Variants in ERICH1 observed in about 807,000 individuals in gnomAD.
The protein encoded by ERICH1 is glutamate-rich protein 1.
Under a neutral mutation model 39.6 loss-of-function variants are expected in ERICH1, and 56 were observed. The ratio of observed to expected loss-of-function variants is 1.41; its 90% CI spans 1.14 to 1.77. The LOEUF (loss-of-function observed/expected upper bound fraction) is 1.77. ERICH1 is among the 40% of genes most tolerant of loss of function. The pLI is 0.00. For synonymous variants in ERICH1, 313 were observed against 223.6 expected, an observed-to-expected ratio of 1.40 and a Z score of -3.57; for missense variants, 826 against 575.4, an observed-to-expected ratio of 1.44 and a Z score of -4.45.
intron 1 of ERICH1, chr8:726,025 C>G (rs1032458921): frequency 6.6e-6 from 1 of 152,634 alleles, no homozygotes; most frequent in Admixed American, 6.5e-5. Context: ...CACAGCCCCA[C>G]TTCTCCTGCA....
At position 649,423 on chromosome 8, in the gene ERICH1, C is replaced by T. The variant is rs971444104; in HGVS notation, c.976+19175G>A. Among the ~76,000 whole-genome samples, 4 of 152,108 alleles carry T rather than the reference C, an allele frequency of 2.6e-5. 1 individual carries two copies. Among genetic ancestry groups the T allele is most frequent in the African/African-American group, 9.7e-5 (4 of 41,444 alleles). ...GTTAAACTGGCTTCTCGGCTAAGAG[C>T]GGGGCTTGCTTTTATTCTATGCTGT... is the stretch of plus-strand genomic sequence containing the variant. On this transcript the variant is annotated intron_variant, in intron 3 of 3. Coordinates refer to the ERICH1 transcript ENST00000522706.
At chr8:618,530 T>C (rs913881306) in intron 3 of ERICH1, among the ~76,000 whole-genome samples, 1 of 152,218 alleles carries the variant, frequency 6.6e-6, no homozygotes, top group Non-Finnish European at 1.5e-5. Flanking sequence ...GGGTACATGC[T>C]AACTGAGTGA....
chr8:716,196 C>A (rs2132349536), intron 1 of ERICH1, among the ~76,000 whole-genome samples, 189 bp from the exon 2 acceptor site: 1 of 152,356 alleles, frequency 6.6e-6, no homozygotes. Flanking sequence ...GCAGAGGAAC[C>A]CTTGAGGCTG....
chr8:723,263 C>T (rs1472057731), intron 1 of ERICH1, among the ~76,000 whole-genome samples: 1 of 152,208 alleles, frequency 6.6e-6, no homozygotes, highest in Non-Finnish European at 1.5e-5. Context: ...CCTGCAGAAC[C>T]GTGAGCCCAG....
At chr8:707,204 G>C (rs7827952) in intron 2 of ERICH1, among the ~76,000 whole-genome samples, 68,398 of 141,132 alleles carry the variant, frequency 0.48, 16,159 homozygotes, top group South Asian at 0.53. Context: ...GATTTTTTTT[G>C]TTTCTTTTTT....
At position 670,759 on chromosome 8, in the gene ERICH1, C is replaced by T. The variant is rs777953476; in HGVS notation, c.1064-1967G>A. 3.9e-5 allele frequency among the ~76,000 whole-genome samples: 6 copies of T among 152,184 alleles called. No homozygotes were observed. In the East Asian group the frequency reaches 9.6e-4, roughly 24 times the overall value. The stretch of plus-strand genomic sequence containing the variant: ...TTCTGTTCTCTGACCTCTGAGTCCA[C>T]CGGCCCCAGCTCCAACCTCTGAACC... On this transcript the variant is annotated intron_variant, in intron 4 of 5. Coordinates refer to ENST00000262109, the MANE Select transcript of ERICH1 (RefSeq NM_207332.3).
Position 685,447 on chromosome 8 carries a change from G to A in ERICH1, c.304+7031C>T, listed in dbSNP as rs544640050. ...TAACGCAACCATCACAGGGTCCTGA[G>A]GCAACATACATTCTCAGTTTAAGAA... On this transcript the variant is annotated intron_variant, in intron 3 of 5. Transcript: ENST00000262109. 2.6e-5 allele frequency among the ~76,000 whole-genome samples: 4 copies of A among 152,236 alleles called. No homozygotes were observed. In the East Asian group the frequency reaches 7.7e-4, roughly 29 times the overall value.
chr8:672,270 G>T (rs1269904705), intron 4 of ERICH1: 1 of 152,268 alleles, frequency 6.6e-6, no homozygotes, highest in African/African-American at 2.4e-5. Context: ...CTACTTTGCA[G>T]TGTCTTAGCC....
chr8:635,755 C>T (rs1013434582), intron 3 of ERICH1, among the ~76,000 whole-genome samples: 2 of 152,228 alleles, frequency 1.3e-5, no homozygotes, highest in Non-Finnish European at 2.9e-5. Flanking sequence ...GGGGCCGACG[C>T]TCCCCCAGCG....
chr8:719,596 C>A (rs1405731398), intron 1 of ERICH1, among the ~76,000 whole-genome samples: 1 of 152,206 alleles, frequency 6.6e-6, no homozygotes, highest in Non-Finnish European at 1.5e-5. Flanking sequence ...GATCCTTTTC[C>A]TCCTCAATCT....
At chr8:686,460 AAAAAAC>A (rs1807411427) in intron 3 of ERICH1, among the ~76,000 whole-genome samples, 1 of 151,680 alleles carries the variant, frequency 6.6e-6, no homozygotes, top group African/African-American at 2.4e-5. Context: ...AAAAAAAAAA[AAAAAAC>A]AAAAACAAAA....
In ERICH1 at chr8:706,285, C is replaced by T. The variant is rs140455161; in HGVS notation, c.169+9576G>A. On this transcript the variant is annotated intron_variant, in intron 2 of 5. Transcript: ENST00000262109. ...AGCTAATAAACTAGTTAGGCAAAAC[C>T]GCAGGATACAAGGTCAATACACAAA... is the stretch of plus-strand genomic sequence containing the variant. Among the ~76,000 whole-genome samples the T allele has an allele frequency of 5.0e-3, 764 of 152,228 alleles. 6 individuals carry two copies. Among genetic ancestry groups the T allele is most frequent in the African/African-American group, 0.017 (724 of 41,530 alleles).
At chr8:630,251 A>G (rs1797915699) in intron 3 of ERICH1, among the ~76,000 whole-genome samples, 1 of 134,900 alleles carries the variant, frequency 7.4e-6, no homozygotes. Context: ...GAGCTGACTC[A>G]CACCCTCCCG....
chr8:655,942 C>T (rs533360041), intron 3 of ERICH1, among the ~76,000 whole-genome samples: 49 of 152,224 alleles, frequency 3.2e-4, no homozygotes, highest in African/African-American at 9.6e-4. Context: ...TACACCCAAT[C>T]GCAACAGGTC....
chr8:660,144 T>C (rs1801202140), downstream of ERICH1, among the ~76,000 whole-genome samples: 1 of 140,512 alleles, frequency 7.1e-6, no homozygotes, highest in Admixed American at 7.0e-5. Context: ...CCCGGGGTCA[T>C]GGCTGAGCTC....
At chr8:695,593 TCGCCCTC>T (rs1229311384) in intron 2 of ERICH1, among the ~76,000 whole-genome samples, 6,231 of 44,940 alleles carry the variant, frequency 0.14, 1,361 homozygotes, top group South Asian at 0.18. Flanking sequence ...CTGGCTCCTC[TCGCCCTC>T]CACTCCTCTC....
intron 3 of ERICH1, among the ~76,000 whole-genome samples, chr8:655,157 G>C (rs1314567947): frequency 6.6e-6 from 1 of 152,216 alleles, no homozygotes; most frequent in Admixed American, 6.5e-5. Context: ...GGCCCCAAGG[G>C]ACTAGGAAGA....
intron 3 of ERICH1, among the ~76,000 whole-genome samples, chr8:652,684 C>T (rs535587275): frequency 3.2e-4 from 49 of 152,294 alleles, no homozygotes; most frequent in Non-Finnish European, 5.9e-4. Flanking sequence ...ATGCCTCAGG[C>T]TCAGAGAATT....
rs1458708970 is a variant in ERICH1, at chr8:715,976, A to G, written c.54T>C (p.Phe18=). The G allele has an allele frequency of 8.7e-6, 14 of 1,613,034 alleles. No individual in the cohort carries two copies. Among genetic ancestry groups the G allele is most frequent in the Non-Finnish European group, 1.2e-5 (14 of 1,179,634 alleles). ...VFVEKVLQRL[F]PPVPSGQGKR... is the part of the protein sequence containing the mutation. ...TTCCTTGGCCACTTGGAACAGGAGGAAAAAGTCTCTGCAGCACCTTCTCCA... is the reference window on the plus strand; with the variant it reads ...TTCCTTGGCCACTTGGAACAGGAGGGAAAAGTCTCTGCAGCACCTTCTCCA... The change falls in exon 2 of 6, where the codon TTT becomes TTC. Residue 18 remains phenylalanine, a synonymous_variant. Coordinates refer to ENST00000262109, the MANE Select transcript of ERICH1 (RefSeq NM_207332.3).
Sources: gnomAD v4.1 joint callset for allele counts (sites outside exome capture counted in the v4.1 genomes callset) on GRCh38, gnomAD v4.1.1 for gene constraint, MANE v1.5 for transcripts, NCBI Gene and HGNC (gene_info 2026-07-23, HGNC 2026-07-21) for gene names.